Variants in PCSK6 observed in about 807,000 individuals in gnomAD.
PCSK6 encodes the protein proprotein convertase subtilisin/kexin type 6.
Under a neutral mutation model 123.3 loss-of-function variants are expected in PCSK6, and 85 were observed. The observed-to-expected ratio is 0.69, with a 90% CI of 0.58 to 0.83. PCSK6 has a LOEUF of 0.83. Ranked by LOEUF, PCSK6 falls within the 40% of genes least tolerant of loss-of-function variation. The pLI, the probability that PCSK6 is intolerant of heterozygous loss-of-function variation, is 0.00. For missense variants in PCSK6, 1,191 were observed against 1,282.3 expected (o/e 0.93, Z 1.09); for synonymous variants, 508 against 516.0 (o/e 0.98, Z 0.21).
intron 1 of PCSK6, among the ~76,000 whole-genome samples, chr15:101,451,754 T>C (rs2057042105): frequency 6.6e-6 from 1 of 152,240 alleles, no homozygotes; most frequent in Non-Finnish European, 1.5e-5. Flanking sequence ...AGTTCAGTTA[T>C]ATAATGTTAT....
chr15:101,342,129 C>CAAAAAAAAAAAAAAAAAAAAAA (rs35083182), intron 13 of PCSK6, among the ~76,000 whole-genome samples: 4 of 51,518 alleles, frequency 7.8e-5, no homozygotes, highest in African/African-American at 3.1e-4. Flanking sequence ...GACCCTGTCT[C>CAAAAAAAAAAAAAAAAAAAAAA]AAAAAAAAAA....
At chr15:101,461,114 T>C (rs73483175) in intron 1 of PCSK6, among the ~76,000 whole-genome samples, 7,051 of 152,114 alleles carry the variant, frequency 0.046, 548 homozygotes, top group African/African-American at 0.16. Context: ...GCCAAACCCA[T>C]GGCACCACTG....
At chr15:101,487,910 C>T (rs980132835) in intron 1 of PCSK6, among the ~76,000 whole-genome samples, 5 of 151,904 alleles carry the variant, frequency 3.3e-5, no homozygotes, top group Admixed American at 2.0e-4. Context: ...TATACATGTG[C>T]GTATATGTAT....
intron 1 of PCSK6, among the ~76,000 whole-genome samples, chr15:101,444,184 T>A (rs569652751): frequency 6.6e-6 from 1 of 152,172 alleles, no homozygotes; most frequent in Non-Finnish European, 1.5e-5. Flanking sequence ...AAGGGTCAGA[T>A]GAGAACATCT....
intron 19 of PCSK6, among the ~76,000 whole-genome samples, chr15:101,314,618 C>T (rs1004336093): frequency 2.0e-5 from 3 of 152,210 alleles, no homozygotes; most frequent in South Asian, 4.1e-4. Flanking sequence ...GGCTCTGGGG[C>T]TGGCTTCACA....
rs532698366 is a variant in PCSK6 at position 101,357,121 on chromosome 15, T to C, written c.1858+9075A>G. 8.7e-4 allele frequency among the ~76,000 whole-genome samples: 132 copies of C among 152,312 alleles called. 1 individual carries two copies. Among genetic ancestry groups the C allele is most frequent in the Non-Finnish European group, 1.5e-3 (101 of 68,018 alleles). ...TAACTTGCAGAGATTTGCAGGAGAT[T>C]GAAATGAACACCACAGAAACGAAGC... On this transcript the variant is annotated intron_variant, in intron 13 of 21. Coordinates refer to ENST00000611716, the MANE Select transcript of PCSK6 (RefSeq NM_002570.5).
At chr15:101,361,402 T>G (rs915696223) in intron 13 of PCSK6, among the ~76,000 whole-genome samples, 12 of 152,118 alleles carry the variant, frequency 7.9e-5, no homozygotes, top group Non-Finnish European at 1.8e-4. Context: ...CCCCTGCCTT[T>G]ATGTTTCTGT....
At chr15:101,405,600 T>C (rs1355731137) in intron 6 of PCSK6, among the ~76,000 whole-genome samples, 1 of 152,060 alleles carries the variant, frequency 6.6e-6, no homozygotes, top group African/African-American at 2.4e-5. Context: ...TGCATTCCTA[T>C]AAAATCTCCT....
chr15:101,443,543 G>A lies in PCSK6; in HGVS notation c.402+13C>T, dbSNP rs780436286. On this transcript the variant is annotated intron_variant, in intron 2 of 21. Transcript: ENST00000611716. ...CCCTCCAGCCCTTAGGAAAGCATCC[G>A]GACACTCTGTACCTGGGGGTCCATT... The A allele has an allele frequency of 8.6e-5, 136 of 1,583,300 alleles. No individual in the cohort carries two copies. The highest frequency in any genetic ancestry group is 1.7e-4 in the Middle Eastern group (1 of 6,042).
At chr15:101,370,038 C>T (rs897992914) in intron 12 of PCSK6, among the ~76,000 whole-genome samples, 1 of 152,214 alleles carries the variant, frequency 6.6e-6, no homozygotes, top group Non-Finnish European at 1.5e-5. Context: ...CAGAATTCCA[C>T]AAATCCCTCC....
At chr15:101,440,730 T>C (rs552101612) in intron 2 of PCSK6, among the ~76,000 whole-genome samples, 60 of 152,342 alleles carry the variant, frequency 3.9e-4, no homozygotes, top group African/African-American at 1.4e-3. Context: ...GAAGGTATCA[T>C]AAAAATGCTT....
chr15:101,360,837 C>T (rs1357980401), intron 13 of PCSK6, among the ~76,000 whole-genome samples: 3 of 152,216 alleles, frequency 2.0e-5, no homozygotes, highest in East Asian at 1.9e-4. Context: ...GAGGCCTTCC[C>T]GGTACACCCT....
chr15:101,413,185 T>C (rs2055765437), intron 6 of PCSK6, among the ~76,000 whole-genome samples: 1 of 152,232 alleles, frequency 6.6e-6, no homozygotes, highest in South Asian at 2.1e-4. Flanking sequence ...AAGCAAAAAT[T>C]ACAACACTGT....
chr15:101,462,933 G>A, intron 1 of PCSK6: 1 of 445,574 alleles, frequency 2.2e-6, no homozygotes, highest in South Asian at 1.6e-5. Context: ...AAGGTCACCA[G>A]CTTGCAAGGC....
At chr15:101,480,132 T>G (rs961585252) in intron 1 of PCSK6, among the ~76,000 whole-genome samples, 1 of 152,214 alleles carries the variant, frequency 6.6e-6, no homozygotes, top group Admixed American at 6.5e-5. Context: ...GGCTGATCAC[T>G]CAGAGCTTCG....
chr15:101,369,493 T>TG (rs1226541251), intron 12 of PCSK6, among the ~76,000 whole-genome samples: 4 of 152,206 alleles, frequency 2.6e-5, no homozygotes, highest in South Asian at 2.1e-4. Context: ...GGCCTGGTCC[T>TG]GGGGGGCTTC....
chr15:101,322,397 C>A, intron 18 of PCSK6, 123 bp downstream of exon 18: 1 of 666,190 alleles, frequency 1.5e-6, no homozygotes. Context: ...AATCTTTACC[C>A]TCAATGGCTT....
At chr15:101,442,713 A>C (rs2056788477) in intron 2 of PCSK6, among the ~76,000 whole-genome samples, 1 of 152,198 alleles carries the variant, frequency 6.6e-6, no homozygotes, top group South Asian at 2.1e-4. Flanking sequence ...CTTTTAAGAG[A>C]AGATGATTTC....
intron 1 of PCSK6, among the ~76,000 whole-genome samples, chr15:101,463,267 T>C (rs974318970): frequency 2.0e-5 from 3 of 152,136 alleles, no homozygotes; most frequent in African/African-American, 7.2e-5. Flanking sequence ...GAGGGTCGAA[T>C]TGGCTTGTTT....
Sources: allele counts gnomAD v4.1 joint callset (sites outside exome capture counted in the v4.1 genomes callset), GRCh38; gene constraint gnomAD v4.1.1; transcripts MANE v1.5; gene names NCBI Gene and HGNC (gene_info 2026-07-23, HGNC 2026-07-21).